The following LRBA variants were observed in gnomAD, a reference collection of about 807,000 sequenced individuals.
LRBA encodes lipopolysaccharide-responsive and beige-like anchor protein.
LRBA carries 176 observed loss-of-function variants against 330.0 expected under a neutral mutation model. The observed-to-expected ratio is 0.53, with a 90% confidence interval of 0.47 to 0.60. The LOEUF (loss-of-function observed/expected upper bound fraction) is 0.60, where lower values mean the gene tolerates loss of function less well. Ranked by LOEUF, LRBA falls within the 20% of genes least tolerant of loss-of-function variation. The probability of loss-of-function intolerance (pLI) is 0.00; values close to 1 mark genes in which losing one functional copy is unlikely to be tolerated. For missense variants in LRBA, 3,259 were observed against 3,444.8 expected, an observed-to-expected ratio of 0.95 and a Z score of 1.35; for synonymous variants, 1,230 against 1,193.0, an observed-to-expected ratio of 1.03 and a Z score of -0.64.
chr4:150,639,751 A>ATG (rs1257366147), intron 37 of LRBA, among the ~76,000 whole-genome samples: 71 of 5,504 alleles, frequency 0.013, 7 homozygotes, highest in African/African-American at 0.016. Flanking sequence ...ATATATATAT[A>ATG]TATATATATA....
In LRBA at chr4:150,905,974, A is replaced by C; in HGVS notation, c.1619T>G (p.Val540Gly). Reference protein sequence around the residue: ...YSLEKSSKSHVSRAVLELCLA... With the variant: ...YSLEKSSKSHGSRAVLELCLA... ...GCAAAGTTCAAGTACTGCTCTGCTAACATGAGATTTGGAAGACTGCAAAAA... is the reference window on the plus strand; with the variant it reads ...GCAAAGTTCAAGTACTGCTCTGCTACCATGAGATTTGGAAGACTGCAAAAA... Residue 540 changes from valine (V) to glycine (G), a missense_variant, in exon 13 of 57, where the codon GTT (valine) becomes GGT (glycine). Transcript: ENST00000651943. 6.2e-7 allele frequency: 1 copy of C among 1,613,294 alleles called. No individual in the cohort carries two copies. The highest frequency in any genetic ancestry group is 1.1e-5 in the South Asian group (1 of 90,918).
intron 2 of LRBA, among the ~76,000 whole-genome samples, chr4:151,008,140 G>T (rs1167661894): frequency 6.6e-6 from 1 of 151,478 alleles, no homozygotes; most frequent in Non-Finnish European, 1.5e-5. Flanking sequence ...GAGTGCAGTG[G>T]TGTGATTTCT....
intron 37 of LRBA, among the ~76,000 whole-genome samples, chr4:150,649,189 T>C (rs1779479442): frequency 6.6e-6 from 1 of 152,198 alleles, no homozygotes; most frequent in Non-Finnish European, 1.5e-5. Flanking sequence ...CATTTACCCA[T>C]TTTACAAATG....
chr4:150,831,995 G>T lies in LRBA; in HGVS notation c.4570-19C>A. 1 of 1,456,568 alleles carries T rather than the reference G, an allele frequency of 6.9e-7. No individual in the cohort carries two copies. Among genetic ancestry groups the T allele is most frequent in the East Asian group, 2.5e-5 (1 of 40,790 alleles). The allele number at this position is 1,456,568 out of a possible 1,614,324, so 90.2% of individuals were successfully genotyped here. ...TATCCTCCTGGGAAAAAAAATTAAA[G>T]GAGTTGATTATGTAACCATAAAATA... On this transcript the variant is annotated intron_variant, in intron 28 of 56. Transcript: ENST00000651943.
chr4:151,012,638 G>A (rs1007235079), intron 2 of LRBA, among the ~76,000 whole-genome samples: 2 of 152,052 alleles, frequency 1.3e-5, no homozygotes, highest in African/African-American at 2.4e-5. Flanking sequence ...ACGGATACCA[G>A]AGTTCATTAT....
intron 53 of LRBA, among the ~76,000 whole-genome samples, chr4:150,300,747 A>C (rs11723398): frequency 0.2 from 29,859 of 152,096 alleles, 3,120 homozygotes; most frequent in East Asian, 0.26. Flanking sequence ...GTATACATAT[A>C]TCATGATATA....
At chr4:150,700,217 GAA>G (rs1213976043) in intron 36 of LRBA, among the ~76,000 whole-genome samples, 2 of 152,066 alleles carry the variant, frequency 1.3e-5, no homozygotes, top group East Asian at 3.9e-4. Context: ...ATAGAAAACA[GAA>G]AAGCCACAAT....
intron 35 of LRBA, among the ~76,000 whole-genome samples, chr4:150,746,255 G>A (rs924426095): frequency 5.9e-5 from 9 of 152,104 alleles, no homozygotes; most frequent in Admixed American, 3.3e-4. Flanking sequence ...TTACTTAACC[G>A]TATACCATTA....
chr4:150,445,639 T>C (rs1441450414), intron 44 of LRBA, among the ~76,000 whole-genome samples: 2 of 151,996 alleles, frequency 1.3e-5, no homozygotes, highest in African/African-American at 4.8e-5. Context: ...AATTGCTTTT[T>C]GGAAAAAATA....
At position 150,372,573 on chromosome 4, in the gene LRBA, A is replaced by G. The variant is rs551051343; in HGVS notation, c.7195-22414T>C. On this transcript the variant is annotated intron_variant, in intron 47 of 56. Coordinates refer to ENST00000651943, the MANE Select transcript of LRBA (RefSeq NM_001364905.1). ...AGATCCCATCTCCAAAAAAAAAAAAAAAAAGGAAAGGAAAAGAAAAAAAAT... is the reference window on the plus strand; with the variant it reads ...AGATCCCATCTCCAAAAAAAAAAAAGAAAAGGAAAGGAAAAGAAAAAAAAT... 6.0e-3 allele frequency among the ~76,000 whole-genome samples: 899 copies of G among 149,968 alleles called. 3 individuals are homozygous for G. The highest frequency in any genetic ancestry group is 0.021 in the African/African-American group (872 of 41,064).
intron 53 of LRBA, among the ~76,000 whole-genome samples, chr4:150,290,503 T>C (rs1728139904): frequency 6.6e-6 from 1 of 152,270 alleles, no homozygotes; most frequent in East Asian, 1.9e-4. Context: ...TGTCATGGCC[T>C]TCAATAATGC....
At chr4:150,952,113 A>T (rs1268066896) in intron 2 of LRBA, among the ~76,000 whole-genome samples, 1 of 152,200 alleles carries the variant, frequency 6.6e-6, no homozygotes, top group Non-Finnish European at 1.5e-5. Flanking sequence ...TAAGAACCAA[A>T]AATACTCACC....
chr4:150,738,059 C>T (rs1197385835), intron 35 of LRBA, among the ~76,000 whole-genome samples: 4 of 145,634 alleles, frequency 2.7e-5, no homozygotes, highest in South Asian at 4.4e-4. Flanking sequence ...GGCACAATCT[C>T]GGGTCACTGC....
chr4:150,337,324 C>A (rs1050693102), intron 48 of LRBA, among the ~76,000 whole-genome samples: 1 of 152,050 alleles, frequency 6.6e-6, no homozygotes, highest in East Asian at 1.9e-4. Flanking sequence ...GAAAAAAAAT[C>A]ATAAAAATAT....
chr4:150,549,311 T>A (rs1316291904), intron 40 of LRBA, among the ~76,000 whole-genome samples: 3 of 128,792 alleles, frequency 2.3e-5, no homozygotes, highest in African/African-American at 9.5e-5. Context: ...AATTGTTGCT[T>A]TATTTTATTT....
chr4:150,449,510 A>C (rs1443056540), intron 44 of LRBA, among the ~76,000 whole-genome samples: 1 of 151,172 alleles, frequency 6.6e-6, no homozygotes, highest in Non-Finnish European at 1.5e-5. Flanking sequence ...CAACAACAGC[A>C]ATCTACTTCT....
rs184818905 is a variant in LRBA at position 150,956,805 on chromosome 4, A to C, written c.217-27740T>G. On this transcript the variant is annotated intron_variant, in intron 2 of 56. Coordinates refer to ENST00000651943, the MANE Select transcript of LRBA (RefSeq NM_001364905.1). ...ATAGACAAAAAAAGCATCTGACAAAATCTAATACCTTTCATTATTAAAACA... is the reference window on the plus strand; with the variant it reads ...ATAGACAAAAAAAGCATCTGACAAACTCTAATACCTTTCATTATTAAAACA... Among the ~76,000 whole-genome samples the C allele has an allele frequency of 2.0e-5, 3 of 149,410 alleles. No homozygotes were observed. The East Asian group carries it at 5.8e-4, about 29-fold the overall frequency.
intron 44 of LRBA, among the ~76,000 whole-genome samples, chr4:150,443,321 C>T (rs112275302): frequency 0.15 from 22,497 of 152,036 alleles, 1,687 homozygotes; most frequent in Middle Eastern, 0.17. Flanking sequence ...CTAGAAATAC[C>T]ATTTGACCCA....
intron 44 of LRBA, among the ~76,000 whole-genome samples, chr4:150,451,888 C>T (rs2152031028): frequency 6.6e-6 from 1 of 152,114 alleles, no homozygotes. Flanking sequence ...AAAAGATAAC[C>T]CGAATAGCAC....
Sources: allele counts gnomAD v4.1 joint callset (sites outside exome capture counted in the v4.1 genomes callset), GRCh38; gene constraint gnomAD v4.1.1; transcripts MANE v1.5; gene names NCBI Gene and HGNC (gene_info 2026-07-23, HGNC 2026-07-21).